HTR4: variants seen among roughly 807,000 people sequenced by gnomAD.
HTR4 encodes 5-hydroxytryptamine receptor 4, also known as 5-hydroxytryptamine (serotonin) receptor 4, G protein-coupled.
A neutral mutation model predicts 36.8 loss-of-function variants in HTR4; 16 were observed. That is an observed-to-expected ratio of 0.43 (90% CI 0.29 to 0.66). The LOEUF (loss-of-function observed/expected upper bound fraction) is 0.66, where lower values mean the gene tolerates loss of function less well. Among genes scored for constraint, HTR4 ranks in the 30% least tolerant of loss-of-function variants. HTR4 has a pLI of 0.13. For missense variants in HTR4, 438 were observed against 490.9 expected, an observed-to-expected ratio of 0.89 and a Z score of 1.02; for synonymous variants, 189 against 185.1, an observed-to-expected ratio of 1.02 and a Z score of -0.17.
At chr5:148,451,177 G>A (rs1179266226) in exon 6 of HTR4, 6 of 1,613,638 alleles carry the variant, frequency 3.7e-6, no homozygotes, top group Non-Finnish European at 5.1e-6. Context: ...TGTGAGCCAT[G>A]TCCTCAATCA....
At chr5:148,455,828 T>A (rs1755089366) in intron 5 of HTR4, among the ~76,000 whole-genome samples, 1 of 151,996 alleles carries the variant, frequency 6.6e-6, no homozygotes, top group South Asian at 2.1e-4. Context: ...ATTAAGAAAA[T>A]CATAAATAAG....
intron 2 of HTR4, among the ~76,000 whole-genome samples, chr5:148,625,114 G>A (rs187756568): frequency 1.3e-5 from 2 of 152,180 alleles, no homozygotes; most frequent in African/African-American, 4.8e-5. Context: ...AGAAAGAGGG[G>A]ACATGAAGGC....
chr5:148,561,624 C>T (rs1052321503), intron 2 of HTR4, among the ~76,000 whole-genome samples: 1 of 148,742 alleles, frequency 6.7e-6, no homozygotes, highest in African/African-American at 2.6e-5. Context: ...GTGTTGAAAA[C>T]ATTTTTTTTT....
At chr5:148,481,369 A>G (rs570082753), downstream of HTR4, 2 of 591,136 alleles carry the variant, frequency 3.4e-6, no homozygotes, top group Admixed American at 3.1e-5. Context: ...CCCTGGTTCA[A>G]TCTGCTTCAT....
chr5:148,540,836 G>T (rs976157764), intron 4 of HTR4, among the ~76,000 whole-genome samples: 12 of 152,176 alleles, frequency 7.9e-5, no homozygotes, highest in African/African-American at 2.6e-4. Flanking sequence ...ACTCAGGGCT[G>T]GAAGGCTAAG....
chr5:148,452,992 T>A (rs528648104), intron 5 of HTR4, among the ~76,000 whole-genome samples: 30 of 152,212 alleles, frequency 2.0e-4, no homozygotes, highest in Non-Finnish European at 4.0e-4. Flanking sequence ...GTCTGCTTTG[T>A]TGGCTGGCTT....
At chr5:148,566,335 A>G (rs761685870) in intron 2 of HTR4, among the ~76,000 whole-genome samples, 1 of 152,190 alleles carries the variant, frequency 6.6e-6, no homozygotes, top group Non-Finnish European at 1.5e-5. Flanking sequence ...TTAAAAAATT[A>G]CAAAAATACT....
chr5:148,575,607 T>C (rs1355128907), intron 2 of HTR4, among the ~76,000 whole-genome samples: 1 of 152,054 alleles, frequency 6.6e-6, no homozygotes, highest in Non-Finnish European at 1.5e-5. Flanking sequence ...GTACCCAAGA[T>C]GACATTATTA....
intron 6 of HTR4, among the ~76,000 whole-genome samples, chr5:148,490,377 G>A (rs1756363002): frequency 6.6e-6 from 1 of 151,938 alleles, no homozygotes; most frequent in Non-Finnish European, 1.5e-5. Context: ...GTAAAGGAAA[G>A]CAGAATGGCC....
chr5:148,503,452 T>C (rs1757032745), intron 6 of HTR4, among the ~76,000 whole-genome samples: 2 of 152,202 alleles, frequency 1.3e-5, no homozygotes, highest in Non-Finnish European at 2.9e-5. Context: ...TGAGAGATTT[T>C]GTCACCACCA....
At position 148,615,627 on chromosome 5, in the gene HTR4, G is replaced by A. The variant is rs866015376; in HGVS notation, c.26+21362C>T. Among the ~76,000 whole-genome samples, 30 of 150,502 alleles carry A rather than the reference G, an allele frequency of 2.0e-4. No individual in the cohort carries two copies. In the South Asian group the frequency reaches 3.8e-3, roughly 19 times the overall value. ...GCACACCAGCATGGCACATGTATAC[G>A]TATGTAACTAACCTGCACAATGTGC... On this transcript the variant is annotated intron_variant, in intron 2 of 6. Transcript: ENST00000377888.
At chr5:148,498,643 G>T (rs111499755) in intron 6 of HTR4, among the ~76,000 whole-genome samples, 2,192 of 152,220 alleles carry the variant, frequency 0.014, 27 homozygotes, top group Middle Eastern at 0.048. Flanking sequence ...ATGAGAAATA[G>T]TGCTGTAAAC....
chr5:148,616,425 A>G (rs1258484677), intron 2 of HTR4, among the ~76,000 whole-genome samples: 3 of 152,114 alleles, frequency 2.0e-5, no homozygotes, highest in Admixed American at 1.3e-4. Context: ...CCTAATAGGC[A>G]TGCTTTTTCC....
At chr5:148,541,002 C>G (rs1332325099) in intron 4 of HTR4, among the ~76,000 whole-genome samples, 6 of 152,132 alleles carry the variant, frequency 3.9e-5, no homozygotes, top group Non-Finnish European at 8.8e-5. Context: ...GAACACTTAC[C>G]AAGTACCATG....
intron 1 of HTR4, among the ~76,000 whole-genome samples, chr5:148,642,115 T>G (rs1398040576): frequency 2.0e-5 from 3 of 152,194 alleles, no homozygotes; most frequent in South Asian, 2.1e-4. Flanking sequence ...TATGCCTACA[T>G]GGGTTAAATC....
chr5:148,640,330 T>C (rs998755307), intron 1 of HTR4, among the ~76,000 whole-genome samples: 2 of 152,232 alleles, frequency 1.3e-5, no homozygotes, highest in East Asian at 3.8e-4. Context: ...GCTCCAGTGA[T>C]GAACACATAA....
At chr5:148,638,484 A>G (rs1389948340) in intron 1 of HTR4, among the ~76,000 whole-genome samples, 1 of 152,236 alleles carries the variant, frequency 6.6e-6, no homozygotes, top group Non-Finnish European at 1.5e-5. Flanking sequence ...AAAATACAGT[A>G]CAATTACAAT....
chr5:148,530,640 T>C (rs1314184973), intron 4 of HTR4, among the ~76,000 whole-genome samples: 1 of 152,170 alleles, frequency 6.6e-6, no homozygotes. Context: ...TTGGAGCCCC[T>C]GTGCAGAGTC....
chr5:148,627,525 C>T (rs945439674), intron 2 of HTR4, among the ~76,000 whole-genome samples: 3 of 152,100 alleles, frequency 2.0e-5, no homozygotes, highest in African/African-American at 7.2e-5. Flanking sequence ...AATAAATACG[C>T]ATCTATATTT....
Sources: gnomAD v4.1 joint callset for allele counts (sites outside exome capture counted in the v4.1 genomes callset) on GRCh38, gnomAD v4.1.1 for gene constraint, MANE v1.5 for transcripts, NCBI Gene and HGNC (gene_info 2026-07-23, HGNC 2026-07-21) for gene names.